MKLN1: variants seen among roughly 807,000 people sequenced by gnomAD.
MKLN1 encodes muskelin 1, also known as muskelin.
MKLN1 carries 18 observed loss-of-function variants against 99.0 expected under a neutral mutation model. The ratio of observed to expected loss-of-function variants is 0.18; its 90% CI spans 0.13 to 0.27. The LOEUF is 0.27. Among genes scored for constraint, MKLN1 ranks in the 10% least tolerant of loss-of-function variants. MKLN1 has a pLI of 1.00. For synonymous variants in MKLN1, 288 were observed against 293.2 expected, an observed-to-expected ratio of 0.98 and a Z score of 0.18; for missense variants, 621 against 875.9, an observed-to-expected ratio of 0.71 and a Z score of 3.67.
intron 16 of MKLN1, among the ~76,000 whole-genome samples, chr7:131,476,315 GC>G (rs532501737): frequency 5.9e-5 from 9 of 152,084 alleles, no homozygotes; most frequent in South Asian, 4.1e-4. Flanking sequence ...TAAAGAAAAA[GC>G]AATAAAAAAC....
At chr7:131,383,022 C>T (rs1224926043) in intron 2 of MKLN1, among the ~76,000 whole-genome samples, 3 of 152,200 alleles carry the variant, frequency 2.0e-5, no homozygotes, top group Admixed American at 6.5e-5. Flanking sequence ...CACACCCGGC[C>T]AGCTACGGAT....
intron 3 of MKLN1, among the ~76,000 whole-genome samples, chr7:131,269,875 T>C (rs1161501216): frequency 6.6e-6 from 1 of 152,180 alleles, no homozygotes; most frequent in East Asian, 1.9e-4. Context: ...TTGTGCCATT[T>C]TTCTAGTTAT....
intron 1 of MKLN1, among the ~76,000 whole-genome samples, chr7:131,331,118 A>C (rs1799061007): frequency 6.6e-6 from 1 of 152,228 alleles, no homozygotes; most frequent in African/African-American, 2.4e-5. Flanking sequence ...AGCACCTAAT[A>C]TATGCAAGAT....
intron 3 of MKLN1, among the ~76,000 whole-genome samples, chr7:131,322,573 T>A (rs1351882653): frequency 2.0e-5 from 3 of 146,606 alleles, no homozygotes; most frequent in Non-Finnish European, 4.5e-5. Flanking sequence ...TTTTTTTTTT[T>A]TTTTTTTTGA....
chr7:131,228,751 A>G (rs768050775), intron 3 of MKLN1, among the ~76,000 whole-genome samples: 9 of 152,218 alleles, frequency 5.9e-5, no homozygotes, highest in African/African-American at 2.4e-5. Flanking sequence ...TTATCAATCA[A>G]TTTAAAAGAT....
intron 3 of MKLN1, among the ~76,000 whole-genome samples, chr7:131,280,036 G>T (rs993105657): frequency 6.6e-6 from 1 of 152,058 alleles, no homozygotes; most frequent in African/African-American, 2.4e-5. Flanking sequence ...GCCTATTCTG[G>T]ACATTTGGTA....
chr7:131,484,215 A>G (rs1562889182), intron 17 of MKLN1, among the ~76,000 whole-genome samples: 4 of 152,182 alleles, frequency 2.6e-5, no homozygotes, highest in Non-Finnish European at 5.9e-5. Flanking sequence ...AATAGTAAAT[A>G]AAAATAAAAG....
chr7:131,233,272 G>T (rs1302490377), intron 3 of MKLN1, among the ~76,000 whole-genome samples: 1 of 151,900 alleles, frequency 6.6e-6, no homozygotes, highest in Non-Finnish European at 1.5e-5. Flanking sequence ...TATTCGGGAG[G>T]CTGAGGTGGG....
intron 2 of MKLN1, among the ~76,000 whole-genome samples, chr7:131,194,020 T>C (rs1305133953): frequency 2.1e-5 from 3 of 144,356 alleles, no homozygotes; most frequent in Non-Finnish European, 4.5e-5. Flanking sequence ...TTTTTTTTTT[T>C]CCAGAAACAG....
intron 1 of MKLN1, among the ~76,000 whole-genome samples, chr7:131,131,515 A>C (rs1301120497): frequency 6.6e-6 from 1 of 152,214 alleles, no homozygotes; most frequent in Non-Finnish European, 1.5e-5. Flanking sequence ...AATCTTCCCC[A>C]GCAGCTGGAG....
At chr7:131,334,772 G>A (rs1319465660) in intron 1 of MKLN1, among the ~76,000 whole-genome samples, 1 of 152,114 alleles carries the variant, frequency 6.6e-6, no homozygotes, top group African/African-American at 2.4e-5. Flanking sequence ...TTCAAAAATC[G>A]TTTTTGGAAA....
At chr7:131,113,053 C>G (rs919001321) in intron 1 of MKLN1, among the ~76,000 whole-genome samples, 2 of 152,146 alleles carry the variant, frequency 1.3e-5, no homozygotes, top group Admixed American at 6.5e-5. Flanking sequence ...GACACAGTTT[C>G]TGCTCTGAAG....
intron 3 of MKLN1, among the ~76,000 whole-genome samples, chr7:131,237,433 G>C (rs1185062873): frequency 1.3e-5 from 2 of 152,168 alleles, no homozygotes; most frequent in African/African-American, 4.8e-5. Flanking sequence ...TTCCCAGAAA[G>C]GTGGAATGAC....
rs1563247484 is a variant in MKLN1, at chr7:131,192,203, C to CTTATGTAT, written c.-296-10654_-296-10653insTTATGTAT. Among the ~76,000 whole-genome samples the CTTATGTAT allele has an allele frequency of 9.2e-4, 59 of 63,794 alleles. 3 individuals are homozygous for CTTATGTAT. Among genetic ancestry groups the CTTATGTAT allele is most frequent in the African/African-American group, 2.5e-3 (32 of 12,586 alleles). 41.9% of individuals were successfully genotyped at this position (63,794 alleles called of 152,430 possible). On this transcript the variant is annotated intron_variant, in intron 2 of 7. Coordinates refer to the MKLN1 transcript ENST00000416992. ...AAAAATATATAAAATATAATATATA[C>CTTATGTAT]AATATATAAATATATAAAATATATA...
In MKLN1 at chr7:131,466,411, C is replaced by T. The variant is rs1451800174; in HGVS notation, c.1924C>T (p.His642Tyr). 1 of 1,565,574 alleles carries T rather than the reference C, an allele frequency of 6.4e-7. No homozygotes were observed. The highest frequency in any genetic ancestry group is 1.4e-5 in the African/African-American group (1 of 73,602). ...LRHCKYLIRKHRFEEKAQVDP... is the reference protein window; with the variant it reads ...LRHCKYLIRKYRFEEKAQVDP... ...GCATTGCAAGTACCTCATAAGAAAA[C>T]ACAGGTATGAAAATAATTCACTGAA... Residue 642 changes from histidine (H) to tyrosine (Y), a missense_variant, in exon 15 of 18, where the codon CAC (histidine) becomes TAC (tyrosine). By Grantham distance (83) the His-to-Tyr change is moderately conservative (BLOSUM62 2). Transcript: ENST00000352689.
intron 1 of MKLN1, among the ~76,000 whole-genome samples, chr7:131,127,857 G>T (rs1237216476): frequency 3.3e-5 from 5 of 152,172 alleles, no homozygotes; most frequent in African/African-American, 1.2e-4. Context: ...CACAGATCAG[G>T]AAAAGACATT....
At chr7:131,233,324 G>C (rs990435216) in intron 3 of MKLN1, among the ~76,000 whole-genome samples, 2 of 151,572 alleles carry the variant, frequency 1.3e-5, no homozygotes, top group African/African-American at 4.9e-5. Flanking sequence ...AGTGATCTAC[G>C]ATGCCACTGC....
rs996099829 is a variant in MKLN1 at position 131,277,650 on chromosome 7, A to G, written c.-179+74676A>G. Among the ~76,000 whole-genome samples the G allele has an allele frequency of 6.6e-5, 10 of 152,272 alleles. No homozygotes were observed. The East Asian group carries it at 1.9e-3, about 29-fold the overall frequency. ...AGGCTGGTCTCAAACTCTTGACCTC[A>G]AGCGATCCACCCACCTCAGCCTCCC... On this transcript the variant is annotated intron_variant, in intron 3 of 7. Transcript: ENST00000416992.
At chr7:131,219,430 C>T (rs1228541634) in intron 3 of MKLN1, among the ~76,000 whole-genome samples, 2 of 152,130 alleles carry the variant, frequency 1.3e-5, no homozygotes, top group African/African-American at 4.8e-5. Flanking sequence ...CTTCTCTCTC[C>T]AAGGCACAGA....
Sources: gnomAD v4.1 joint callset for allele counts (sites outside exome capture counted in the v4.1 genomes callset) on GRCh38, gnomAD v4.1.1 for gene constraint, MANE v1.5 for transcripts, NCBI Gene and HGNC (gene_info 2026-07-23, HGNC 2026-07-21) for gene names.